CELF4: variants seen among roughly 807,000 people sequenced by gnomAD.
CELF4 encodes the protein CUG-BP- and ETR-3-like factor 4.
Under a neutral mutation model 59.9 loss-of-function variants are expected in CELF4, and 18 were observed. The observed-to-expected ratio is 0.30, with a 90% CI of 0.21 to 0.45. The LOEUF is 0.45. Ranked by LOEUF, CELF4 falls within the 20% of genes least tolerant of loss-of-function variation. The pLI is 1.00. For missense variants in CELF4, 456 were observed against 689.0 expected, an observed-to-expected ratio of 0.66 and a Z score of 3.79; for synonymous variants, 261 against 267.1, an observed-to-expected ratio of 0.98 and a Z score of 0.22.
At chr18:37,339,047 G>C (rs2097892346) in intron 2 of CELF4, among the ~76,000 whole-genome samples, 1 of 152,218 alleles carries the variant, frequency 6.6e-6, no homozygotes, top group Admixed American at 6.5e-5. Context: ...GACAGGCAGA[G>C]CTGATGCGGG....
chr18:37,480,500 C>A (rs1301359503), intron 2 of CELF4, among the ~76,000 whole-genome samples: 1 of 152,222 alleles, frequency 6.6e-6, no homozygotes, highest in East Asian at 1.9e-4. Flanking sequence ...GGACCCCTGT[C>A]TTGTCATCAT....
intron 2 of CELF4, among the ~76,000 whole-genome samples, chr18:37,451,434 GTGTGCA>G (rs779567475): frequency 1.1e-4 from 17 of 152,214 alleles, no homozygotes; most frequent in South Asian, 2.1e-4. Flanking sequence ...TCTTTTGTGT[GTGTGCA>G]TGTGCATGTG....
intron 1 of CELF4, among the ~76,000 whole-genome samples, chr18:37,496,061 C>T (rs909826681): frequency 2.6e-5 from 4 of 151,880 alleles, no homozygotes; most frequent in East Asian, 3.9e-4. Flanking sequence ...TTATTCCCTC[C>T]TCATGTCTGG....
Position 37,500,354 on chromosome 18 carries a change from C to T in CELF4, c.287-14747G>A, listed in dbSNP as rs1325109154. On this transcript the variant is annotated intron_variant, in intron 1 of 12. Transcript: ENST00000420428. ...ATCCAGGGATGGGAAGGAGTAGGGC[C>T]GAGGAGGGGTGTTGTGGAGACCCAG... is the stretch of plus-strand genomic sequence containing the variant. Among the ~76,000 whole-genome samples the T allele has an allele frequency of 3.3e-5, 5 of 151,988 alleles. No individual in the cohort carries two copies. The East Asian group carries it at 5.8e-4, about 18-fold the overall frequency.
chr18:37,555,139 A>G (rs2099984381), intron 1 of CELF4, among the ~76,000 whole-genome samples: 1 of 152,178 alleles, frequency 6.6e-6, no homozygotes, highest in South Asian at 2.1e-4. Context: ...CACCCCAGGA[A>G]TGGGATGTGG....
intron 2 of CELF4, among the ~76,000 whole-genome samples, chr18:37,348,693 C>T (rs1178206090): frequency 3.9e-5 from 6 of 152,158 alleles, no homozygotes; most frequent in Admixed American, 2.0e-4. Context: ...ACAACAACAA[C>T]AACAACAACA....
At chr18:37,268,341 C>G (rs1296373865) in intron 8 of CELF4, among the ~76,000 whole-genome samples, 1 of 152,212 alleles carries the variant, frequency 6.6e-6, no homozygotes, top group East Asian at 1.9e-4. Context: ...TCTCTGCCTT[C>G]CCTCTGCCCC....
chr18:37,554,932 C>T (rs1170417052), intron 1 of CELF4, among the ~76,000 whole-genome samples: 2 of 152,160 alleles, frequency 1.3e-5, no homozygotes, highest in Non-Finnish European at 2.9e-5. Flanking sequence ...AAGTAAGCCT[C>T]AGTGAGAAAT....
At chr18:37,272,307 TAGATTTC>T (rs1161386582) in intron 7 of CELF4, among the ~76,000 whole-genome samples, 2 of 152,122 alleles carry the variant, frequency 1.3e-5, no homozygotes, top group African/African-American at 4.8e-5. Flanking sequence ...CTCTACCCAC[TAGATTTC>T]AGTAGCAATC....
At chr18:37,341,237 C>A (rs2098017333) in intron 2 of CELF4, among the ~76,000 whole-genome samples, 1 of 152,150 alleles carries the variant, frequency 6.6e-6, no homozygotes, top group Admixed American at 6.5e-5. Context: ...GAGGGGACAG[C>A]AGGTTGGGCT....
chr18:37,498,311 T>C, intron 1 of CELF4, among the ~76,000 whole-genome samples: 1 of 140,968 alleles, frequency 7.1e-6, no homozygotes, highest in African/African-American at 2.7e-5. Context: ...CTTCCCTCCT[T>C]TCCCCTCCCC....
At chr18:37,389,657 A>C (rs2099136329) in intron 2 of CELF4, among the ~76,000 whole-genome samples, 1 of 152,116 alleles carries the variant, frequency 6.6e-6, no homozygotes, top group Non-Finnish European at 1.5e-5. Flanking sequence ...GTGCACCCAC[A>C]CACACCCCTG....
intron 2 of CELF4, among the ~76,000 whole-genome samples, chr18:37,419,973 C>A (rs370348405): frequency 1.3e-5 from 2 of 152,358 alleles, no homozygotes; most frequent in East Asian, 1.9e-4. Flanking sequence ...GGGGTTCTGG[C>A]AGCTACATCT....
chr18:37,406,262 A>T (rs1443827254), intron 2 of CELF4, among the ~76,000 whole-genome samples: 1 of 152,012 alleles, frequency 6.6e-6, no homozygotes, highest in African/African-American at 2.4e-5. Context: ...TGACACACCC[A>T]TCCCATCTCT....
intron 2 of CELF4, among the ~76,000 whole-genome samples, chr18:37,328,208 C>T (rs1313651869): frequency 6.6e-6 from 1 of 152,198 alleles, no homozygotes; most frequent in Non-Finnish European, 1.5e-5. Flanking sequence ...CACAGACATC[C>T]TAAAAGAATT....
chr18:37,526,557 G>T (rs1309728374), intron 1 of CELF4, among the ~76,000 whole-genome samples: 1 of 152,188 alleles, frequency 6.6e-6, no homozygotes, highest in Non-Finnish European at 1.5e-5. Flanking sequence ...GTGACCTGGG[G>T]TAGAGCCACC....
At chr18:37,328,903 G>A (rs763928053) in intron 2 of CELF4, among the ~76,000 whole-genome samples, 6 of 152,100 alleles carry the variant, frequency 3.9e-5, no homozygotes, top group Non-Finnish European at 7.4e-5. Context: ...TGTTCCAAGC[G>A]CCAAAATAAA....
At chr18:37,326,658 G>A (rs545452268) in intron 2 of CELF4, among the ~76,000 whole-genome samples, 2 of 152,180 alleles carry the variant, frequency 1.3e-5, no homozygotes, top group Non-Finnish European at 2.9e-5. Flanking sequence ...TCAGTCCTCC[G>A]GGGACATCAC....
chr18:37,498,709 C>T (rs1490383528), intron 1 of CELF4, among the ~76,000 whole-genome samples: 2 of 152,088 alleles, frequency 1.3e-5, no homozygotes, highest in Admixed American at 1.3e-4. Flanking sequence ...TCTGAGAAAG[C>T]CATCCAACCC....
Sources: gnomAD v4.1 joint callset for allele counts (sites outside exome capture counted in the v4.1 genomes callset) on GRCh38, gnomAD v4.1.1 for gene constraint, MANE v1.5 for transcripts, NCBI Gene and HGNC (gene_info 2026-07-23, HGNC 2026-07-21) for gene names.